The following NEK10 variants were observed in gnomAD, a reference collection of about 807,000 sequenced individuals.
NEK10 encodes serine/threonine-protein kinase Nek10.
Under a neutral mutation model 159.8 loss-of-function variants are expected in NEK10, and 122 were observed. The ratio of observed to expected loss-of-function variants is 0.76; its 90% CI spans 0.66 to 0.89. NEK10 has a LOEUF of 0.89. NEK10 is among the 40% of genes least tolerant of loss of function. The pLI is 0.00. For missense variants in NEK10, 1,342 were observed against 1,323.1 expected, an observed-to-expected ratio of 1.01 and a Z score of -0.22; for synonymous variants, 466 against 457.1, an observed-to-expected ratio of 1.02 and a Z score of -0.25.
chr3:27,161,259 CCT>C (rs1945987699), intron 30 of NEK10, among the ~76,000 whole-genome samples: 1 of 152,180 alleles, frequency 6.6e-6, no homozygotes, highest in East Asian at 1.9e-4. Flanking sequence ...TTTGAACTTA[CCT>C]TTTCAAAATA....
intron 22 of NEK10, among the ~76,000 whole-genome samples, chr3:27,273,944 C>CCTCTGAAGGTCATTCAGATTCTAAT (rs533523906): frequency 0.024 from 3,684 of 152,162 alleles, 156 homozygotes; most frequent in African/African-American, 0.084. Flanking sequence ...GACACTTCCT[C>CCTCTGAAGGTCATTCAGATTCTAAT]CTCTGAAGGT....
At chr3:27,206,041 T>C (rs959200565) in intron 23 of NEK10, among the ~76,000 whole-genome samples, 5 of 152,342 alleles carry the variant, frequency 3.3e-5, no homozygotes, top group Admixed American at 6.5e-5. Flanking sequence ...AATGTCTCTT[T>C]TATAAGGGCA....
chr3:27,292,396 T>G (rs1279891217), intron 16 of NEK10, among the ~76,000 whole-genome samples: 1 of 152,100 alleles, frequency 6.6e-6, no homozygotes, highest in Non-Finnish European at 1.5e-5. Flanking sequence ...AAATAAAAGT[T>G]TCATGAAAAT....
At chr3:27,341,607 G>C (rs1483011759) in intron 5 of NEK10, among the ~76,000 whole-genome samples, 1 of 152,018 alleles carries the variant, frequency 6.6e-6, no homozygotes, top group Non-Finnish European at 1.5e-5. Flanking sequence ...TTTACTGTGA[G>C]GTATTTGCAG....
chr3:27,343,311 G>A (rs1201729770), intron 5 of NEK10, among the ~76,000 whole-genome samples: 1 of 152,192 alleles, frequency 6.6e-6, no homozygotes, highest in Admixed American at 6.5e-5. Flanking sequence ...TGGAGGACCT[G>A]TCAGAATGCT....
chr3:27,107,996 C>T lies in NEK10; in HGVS notation c.*3276G>A, dbSNP rs185364023. Among the ~76,000 whole-genome samples, 1,111 of 152,180 alleles carry T rather than the reference C, an allele frequency of 7.3e-3. 12 individuals carry two copies. The highest frequency in any genetic ancestry group is 0.027 in the Middle Eastern group (8 of 294). On this transcript the variant is annotated 3_prime_UTR_variant, in exon 36 of 36. Transcript: ENST00000691995. The stretch of plus-strand genomic sequence containing the variant: ...TATTAATACTGATAAAATTCACTAG[C>T]CAATATTACAGTCTTCACACATCTT...
At chr3:27,282,561 CATAACTGTGTTATATATATAT>C (rs2042258496) in intron 22 of NEK10, among the ~76,000 whole-genome samples, 3 of 98,802 alleles carry the variant, frequency 3.0e-5, no homozygotes, top group South Asian at 2.9e-4. Flanking sequence ...TATATATATA[CATAACTGTGTTATATATATAT>C]ACATAACTGT....
chr3:27,260,358 G>T (rs1160467198), intron 22 of NEK10, among the ~76,000 whole-genome samples: 1 of 152,128 alleles, frequency 6.6e-6, no homozygotes, highest in Admixed American at 6.5e-5. Flanking sequence ...CTGTGGGTTT[G>T]TCATAGATAG....
intron 30 of NEK10, among the ~76,000 whole-genome samples, chr3:27,161,516 A>C (rs1194856994): frequency 6.6e-6 from 1 of 152,206 alleles, no homozygotes; most frequent in Admixed American, 6.5e-5. Context: ...AATAATCCCA[A>C]ATTAACCAAT....
At chr3:27,258,462 C>T (rs549164368) in intron 22 of NEK10, among the ~76,000 whole-genome samples, 57 of 149,212 alleles carry the variant, frequency 3.8e-4, no homozygotes, top group African/African-American at 1.3e-3. Flanking sequence ...TGAGTGAGAA[C>T]ATGCGGTGTT....
intron 22 of NEK10, among the ~76,000 whole-genome samples, chr3:27,268,463 T>G (rs2149384703): frequency 6.6e-6 from 1 of 152,340 alleles, no homozygotes; most frequent in Non-Finnish European, 1.5e-5. Flanking sequence ...AAGCCAATGC[T>G]TATTGACCAT....
intron 22 of NEK10, among the ~76,000 whole-genome samples, chr3:27,271,145 TA>T (rs1420391728): frequency 7.0e-6 from 1 of 143,364 alleles, no homozygotes; most frequent in Non-Finnish European, 1.5e-5. Flanking sequence ...TCCATCTATC[TA>T]TCTTCTATCT....
chr3:27,170,455 G>A (rs936635608), intron 29 of NEK10, among the ~76,000 whole-genome samples: 1 of 152,186 alleles, frequency 6.6e-6, no homozygotes, highest in African/African-American at 2.4e-5. Flanking sequence ...AAACTGGCTG[G>A]GCACAGTGGC....
Position 27,174,795 on chromosome 3 carries a change from ACTG to A in NEK10, c.2541_2543del (p.Ser848del). The A allele has an allele frequency of 6.2e-7, 1 of 1,606,188 alleles. No homozygotes were observed. The highest frequency in any genetic ancestry group is 8.5e-7 in the Non-Finnish European group (1 of 1,177,618). Reference sequence around the variant, plus strand: ...GTTCACTTTTCAGGCTGGCTGCTCCACTGCTGCTGCTACTCAAACTTGCCTTCT... The same window carrying A: ...GTTCACTTTTCAGGCTGGCTGCTCCACTGCTGCTACTCAAACTTGCCTTCT... On this transcript the variant is annotated inframe_deletion, in exon 27 of 36. Transcript: ENST00000691995.
At chr3:27,339,288 C>T (rs1222744562) in intron 5 of NEK10, among the ~76,000 whole-genome samples, 1 of 151,758 alleles carries the variant, frequency 6.6e-6, no homozygotes, top group Non-Finnish European at 1.5e-5. Flanking sequence ...AAAATTTTTG[C>T]AATCTACCCA....
chr3:27,243,204 C>T (rs546089247), intron 23 of NEK10, among the ~76,000 whole-genome samples: 7 of 151,928 alleles, frequency 4.6e-5, no homozygotes, highest in Non-Finnish European at 8.8e-5. Context: ...TTGTTATGAA[C>T]AGTCTGAAAT....
At chr3:27,125,059 A>G (rs1941788586) in intron 32 of NEK10, among the ~76,000 whole-genome samples, 1 of 152,150 alleles carries the variant, frequency 6.6e-6, no homozygotes, top group East Asian at 1.9e-4. Flanking sequence ...CTACAGTTCT[A>G]AAGAGCAAAT....
At chr3:27,167,492 C>T (rs1946592843) in intron 29 of NEK10, among the ~76,000 whole-genome samples, 1 of 152,126 alleles carries the variant, frequency 6.6e-6, no homozygotes, top group Non-Finnish European at 1.5e-5. Flanking sequence ...GACAAAGAGG[C>T]TGAAGCCCCA....
intron 32 of NEK10, among the ~76,000 whole-genome samples, chr3:27,124,918 T>C (rs1011935864): frequency 6.6e-6 from 1 of 151,844 alleles, no homozygotes; most frequent in Non-Finnish European, 1.5e-5. Flanking sequence ...GTGTGAACCC[T>C]TTTTTTTGCC....
Sources: gnomAD v4.1 joint callset for allele counts (sites outside exome capture counted in the v4.1 genomes callset) on GRCh38, gnomAD v4.1.1 for gene constraint, MANE v1.5 for transcripts, NCBI Gene and HGNC (gene_info 2026-07-23, HGNC 2026-07-21) for gene names.